Variants in GTF3C5 observed in about 807,000 individuals in gnomAD.
GTF3C5 encodes general transcription factor 3C polypeptide 5.
A neutral mutation model predicts 61.0 loss-of-function variants in GTF3C5; 47 were observed. That is an observed-to-expected ratio of 0.77 (90% CI 0.61 to 0.98). The LOEUF (loss-of-function observed/expected upper bound fraction) is 0.98. Ranked by LOEUF, GTF3C5 falls within the 50% of genes least tolerant of loss-of-function variation. GTF3C5 has a pLI of 0.00. For missense variants in GTF3C5, 659 were observed against 703.3 expected (o/e 0.94, Z 0.71); for synonymous variants, 295 against 275.4 (o/e 1.07, Z -0.71).
intron 10 of GTF3C5, among the ~76,000 whole-genome samples, chr9:133,057,385 A>T (rs923287508): frequency 3.9e-5 from 6 of 151,902 alleles, no homozygotes; most frequent in African/African-American, 1.5e-4. Flanking sequence ...GGCTCGGGGG[A>T]GTTATAAGAG....
Position 133,058,046 on chromosome 9 carries a change from G to T in GTF3C5, c.*66G>T, listed in dbSNP as rs867441910. ...TGTCTGGCCTAATGAGGGAGCCGGG[G>T]CTCCCCATTGCCACCCACAGTGCCC... On this transcript the variant is annotated 3_prime_UTR_variant, in exon 11 of 11. Transcript: ENST00000372097. The T allele has an allele frequency of 1.3e-6, 2 of 1,595,088 alleles. No individual in the cohort carries two copies. The highest frequency in any genetic ancestry group is 1.1e-5 in the South Asian group (1 of 88,830).
intron 4 of GTF3C5, among the ~76,000 whole-genome samples, chr9:133,051,427 T>C (rs1402496070): frequency 6.6e-6 from 1 of 151,978 alleles, no homozygotes; most frequent in Non-Finnish European, 1.5e-5. Flanking sequence ...AGCATCAGGT[T>C]CACAGGCCAC....
intron 9 of GTF3C5, 37 bp downstream of exon 9, chr9:133,056,131 C>T: frequency 6.4e-7 from 1 of 1,570,162 alleles, no homozygotes; most frequent in Non-Finnish European, 8.8e-7. Context: ...CTGAGGGGGG[C>T]CCGTGGGACC....
At chr9:133,042,452 A>G in intron 2 of GTF3C5, 146 bp downstream of exon 2, 2 of 626,090 alleles carry the variant, frequency 3.2e-6, no homozygotes, top group Non-Finnish European at 5.6e-6. Context: ...CACAGGCCCC[A>G]TCCAGGAGGC....
upstream of GTF3C5, chr9:133,030,987 G>C: frequency 6.2e-7 from 1 of 1,611,766 alleles, no homozygotes; most frequent in Middle Eastern, 1.7e-4. Flanking sequence ...GACGGACCCT[G>C]GCGGGCCCTG....
At chr9:133,055,240 G>A (rs758167685) in intron 8 of GTF3C5, 72 of 1,485,688 alleles carry the variant, frequency 4.8e-5, no homozygotes, top group African/African-American at 1.1e-4. Context: ...GTTGCCCAGC[G>A]GGGGTTGGCG....
intron 3 of GTF3C5, among the ~76,000 whole-genome samples, chr9:133,048,127 T>C (rs974564671): frequency 6.7e-6 from 1 of 150,176 alleles, no homozygotes; most frequent in Non-Finnish European, 1.5e-5. Flanking sequence ...GGACCGTGTT[T>C]TAAAAAAAAA....
chr9:133,052,177 T>TGCCC lies in GTF3C5; in HGVS notation c.873+14_873+17dup. ...AGCCTATTACATGGTAAGTGTCAGC[T>TGCCC]GCCCACCCACCTGCCTTGGTTTCCA... On this transcript the variant is annotated intron_variant, in intron 5 of 10. Coordinates refer to ENST00000372097, the MANE Select transcript of GTF3C5 (RefSeq NM_012087.4). 1 of 1,424,214 alleles carries TGCCC rather than the reference T, an allele frequency of 7.0e-7. No homozygotes were observed. The highest frequency in any genetic ancestry group is 1.7e-5 in the Admixed American group (1 of 57,348). 88.2% of individuals were successfully genotyped at this position (1,424,214 alleles called of 1,614,324 possible). A position where few individuals can be genotyped will look rare whatever the true frequency, so the allele number is the denominator to read the frequency against.
At chr9:133,037,825 C>T (rs531292614) in intron 1 of GTF3C5, among the ~76,000 whole-genome samples, 4 of 152,192 alleles carry the variant, frequency 2.6e-5, no homozygotes, top group Non-Finnish European at 4.4e-5. Context: ...GAGCAGCTGA[C>T]GCTAGACGGA....
chr9:133,040,921 G>A (rs1850020467), intron 1 of GTF3C5, among the ~76,000 whole-genome samples: 1 of 152,184 alleles, frequency 6.6e-6, no homozygotes, highest in Non-Finnish European at 1.5e-5. Context: ...TCATTAGTTT[G>A]TAGGAATTAC....
chr9:133,042,334 T>G, intron 2 of GTF3C5, 28 bp downstream of exon 2: 2 of 1,454,200 alleles, frequency 1.4e-6, no homozygotes, highest in Non-Finnish European at 1.9e-6. Flanking sequence ...TTGCAATGTC[T>G]GGTTATTTCA....
At chr9:133,055,249 C>T (rs999060934) in intron 8 of GTF3C5, 150 of 1,473,166 alleles carry the variant, frequency 1.0e-4, no homozygotes, top group Non-Finnish European at 1.3e-4. Flanking sequence ...CGGGGGTTGG[C>T]GGTTTCCAGA....
In GTF3C5 at chr9:133,056,916, CCG is replaced by C; in HGVS notation, c.1393+10_1393+11del. 6.3e-7 allele frequency: 1 copy of C among 1,589,042 alleles called. No homozygotes were observed. The highest frequency in any genetic ancestry group is 8.6e-7 in the Non-Finnish European group (1 of 1,167,184). ...TCCGCTCCAAGAGGCCTGGTAAGAG[CCG>C]CTTGGGGTAAAGGGGGTCCAGGATG... On this transcript the variant is annotated intron_variant, in intron 10 of 10. Coordinates refer to ENST00000372097, the MANE Select transcript of GTF3C5 (RefSeq NM_012087.4).
At chr9:133,048,421 C>T (rs1016152914) in intron 3 of GTF3C5, among the ~76,000 whole-genome samples, 5 of 151,784 alleles carry the variant, frequency 3.3e-5, no homozygotes, top group African/African-American at 1.2e-4. Context: ...GGCGTGAACC[C>T]GCGAGGCGGA....
At chr9:133,057,277 C>T (rs1276989790) in intron 10 of GTF3C5, among the ~76,000 whole-genome samples, 1 of 152,226 alleles carries the variant, frequency 6.6e-6, no homozygotes, top group East Asian at 1.9e-4. Context: ...TTCTGTGTGG[C>T]CCAGCCCCTT....
At chr9:133,043,287 C>T (rs79019766) in intron 2 of GTF3C5, among the ~76,000 whole-genome samples, 6,362 of 152,224 alleles carry the variant, frequency 0.042, 431 homozygotes, top group African/African-American at 0.14. Context: ...TCGAATTGAA[C>T]CAGCATCTTG....
rs34305524 is a variant in GTF3C5 at position 133,043,902 on chromosome 9, T to A, written c.548T>A (p.Phe183Tyr). Reference sequence around the variant, plus strand: ...CGGCTGGACGCCCCGGTGGACTACTTCTACCGACCAGAGACCCAGCACCGG... The same window carrying A: ...CGGCTGGACGCCCCGGTGGACTACTACTACCGACCAGAGACCCAGCACCGG... The part of the protein sequence containing the change: ...FSRLDAPVDY[F>Y]YRPETQHREG... The change falls in exon 3 of 11, where the codon TTC (phenylalanine) becomes TAC (tyrosine). Residue 183 changes from phenylalanine to tyrosine, a missense_variant. By Grantham distance (22) the Phe-to-Tyr change is conservative. Transcript: ENST00000372097. 111 of 1,613,908 alleles carry A rather than the reference T, an allele frequency of 6.9e-5. No individual in the cohort carries two copies. The African/African-American group carries it at 7.7e-4, about 11-fold the overall frequency.
intron 4 of GTF3C5, 117 bp from the exon 5 acceptor site, chr9:133,051,943 G>A (rs1351293047): frequency 1.2e-5 from 7 of 573,152 alleles, no homozygotes; most frequent in Non-Finnish European, 1.6e-5. Flanking sequence ...TCCAGCCCCT[G>A]TCCTCTACCA....
At position 133,056,923 on chromosome 9, in the gene GTF3C5, G is replaced by C; in HGVS notation, c.1393+15G>C. On this transcript the variant is annotated intron_variant, in intron 10 of 10. Coordinates refer to ENST00000372097, the MANE Select transcript of GTF3C5 (RefSeq NM_012087.4). ...CAAGAGGCCTGGTAAGAGCCGCTTG[G>C]GGTAAAGGGGGTCCAGGATGCCTGG... 6.4e-7 allele frequency: 1 copy of C among 1,567,472 alleles called. No individual in the cohort carries two copies. The highest frequency in any genetic ancestry group is 1.2e-5 in the South Asian group (1 of 85,436).
Sources: allele counts gnomAD v4.1 joint callset (sites outside exome capture counted in the v4.1 genomes callset), GRCh38; gene constraint gnomAD v4.1.1; transcripts MANE v1.5; gene names NCBI Gene and HGNC (gene_info 2026-07-23, HGNC 2026-07-21).